SRGAP2B: variants seen among roughly 807,000 people sequenced by gnomAD.
SRGAP2B encodes SLIT-ROBO Rho GTPase-activating protein 2B.
In SRGAP2B, 9 loss-of-function variants were observed where a neutral mutation model predicts 22.2. The ratio of observed to expected loss-of-function variants is 0.41; its 90% confidence interval spans 0.24 to 0.71. The LOEUF is 0.71. Among genes scored for constraint, SRGAP2B ranks in the 30% least tolerant of loss-of-function variants. SRGAP2B has a pLI of 0.35. For missense variants in SRGAP2B, 114 were observed against 235.8 expected, an observed-to-expected ratio of 0.48 and a Z score of 3.38; for synonymous variants, 36 against 87.4, an observed-to-expected ratio of 0.41 and a Z score of 3.28.
At chr1:144,933,258 G>A (rs1436976089) in intron 4 of SRGAP2B, among the ~76,000 whole-genome samples, 1 of 147,902 alleles carries the variant, frequency 6.8e-6, no homozygotes, top group Non-Finnish European at 1.5e-5. Flanking sequence ...CAACTGTCAT[G>A]ACCTCCCGCC....
intron 4 of SRGAP2B, among the ~76,000 whole-genome samples, chr1:144,925,963 A>G (rs1393350311): frequency 5.4e-5 from 6 of 110,644 alleles, no homozygotes; most frequent in Admixed American, 1.8e-4. Context: ...TTTAATTTGC[A>G]TAAGTCAATT....
intron 4 of SRGAP2B, among the ~76,000 whole-genome samples, chr1:144,922,708 G>A (rs141676097): frequency 0.023 from 3,500 of 150,238 alleles, 103 homozygotes; most frequent in South Asian, 0.045. Context: ...GATATGGTTC[G>A]ACTGTGGGCA....
At chr1:144,986,954 C>T (rs587745706) in intron 3 of SRGAP2B, among the ~76,000 whole-genome samples, 3 of 151,014 alleles carry the variant, frequency 2.0e-5, no homozygotes, top group South Asian at 2.1e-4. Flanking sequence ...ATCTAAAATG[C>T]TTCCTTTCCC....
chr1:145,076,097 A>C lies in SRGAP2B; in HGVS notation c.67+16738T>G, dbSNP rs1322615963. 3.3e-5 allele frequency among the ~76,000 whole-genome samples: 5 copies of C among 150,572 alleles called. No homozygotes were observed. In the East Asian group the frequency reaches 9.7e-4, roughly 29 times the overall value. ...TTGAAACAACTTAAATGATCAGTCC[A>C]AAGGGAGAGAAATATACATGTATCT... is the stretch of plus-strand genomic sequence containing the variant. On this transcript the variant is annotated intron_variant, in intron 2 of 9. Transcript: ENST00000612199.
intron 4 of SRGAP2B, among the ~76,000 whole-genome samples, chr1:144,931,451 A>G (rs1294945319): frequency 6.6e-6 from 1 of 150,802 alleles, no homozygotes; most frequent in Non-Finnish European, 1.5e-5. Context: ...ATAAATTTTC[A>G]CAGCAAGAAA....
rs1280665251 is a variant in SRGAP2B, at chr1:144,995,057, C to T, written c.211G>A (p.Ala71Thr). Reference sequence around the variant, plus strand: ...CATGTCTTGGCCAGGAAGCGTTCTGCCAGCTTCTCCAGGTTGCGGGAGTAG... The same window carrying T: ...CATGTCTTGGCCAGGAAGCGTTCTGTCAGCTTCTCCAGGTTGCGGGAGTAG... The change falls in exon 3 of 10, where the codon GCA becomes ACA. Residue 71 changes from alanine (A) to threonine (T), a missense_variant. By Grantham distance (58) the Ala-to-Thr change is moderately conservative (BLOSUM62 0). Around this residue, in one of 2 missense-constraint regions of SRGAP2B, gnomAD observed 95 missense variants for 139.0 expected, o/e 0.68. Transcript: ENST00000612199. The T allele has an allele frequency of 3.9e-6, 6 of 1,542,646 alleles. No individual in the cohort carries two copies. The Admixed American group carries it at 1.0e-4, about 26-fold the overall frequency.
At chr1:144,960,560 T>C (rs1553611082) in intron 3 of SRGAP2B, among the ~76,000 whole-genome samples, 2 of 150,560 alleles carry the variant, frequency 1.3e-5, no homozygotes, top group African/African-American at 5.0e-5. Context: ...TTCTCTAAAA[T>C]ATCCATGGTG....
exon 10 of SRGAP2B, chr1:144,889,254 CTATT>C (rs1662082748): frequency 2.0e-5 from 3 of 148,348 alleles, no homozygotes; most frequent in South Asian, 2.1e-4. Flanking sequence ...CATATCTGGC[CTATT>C]TATTTTTTAA....
At chr1:144,922,743 G>T (rs1664345925) in intron 4 of SRGAP2B, among the ~76,000 whole-genome samples, 3 of 150,456 alleles carry the variant, frequency 2.0e-5, no homozygotes. Flanking sequence ...AAAGGAAGGG[G>T]CTCCCCACTA....
intron 4 of SRGAP2B, among the ~76,000 whole-genome samples, chr1:144,928,524 G>A (rs1291185395): frequency 9.1e-5 from 12 of 131,584 alleles, no homozygotes; most frequent in African/African-American, 2.9e-4. Context: ...TGCAAGCTCC[G>A]CCTCCTGGGT....
chr1:144,951,256 G>A (rs1666845149), intron 4 of SRGAP2B, among the ~76,000 whole-genome samples: 1 of 146,016 alleles, frequency 6.8e-6, no homozygotes, highest in East Asian at 2.0e-4. Context: ...GATCACTGCA[G>A]CCTCAAATTT....
At chr1:145,079,844 G>C (rs1324732912) in intron 2 of SRGAP2B, among the ~76,000 whole-genome samples, 8 of 148,402 alleles carry the variant, frequency 5.4e-5, no homozygotes, top group South Asian at 4.3e-4. Context: ...AATGTAAGAG[G>C]CAAGAGGCCA....
At chr1:145,009,545 G>A (rs1398412879) in intron 2 of SRGAP2B, among the ~76,000 whole-genome samples, 3 of 139,094 alleles carry the variant, frequency 2.2e-5, no homozygotes, top group East Asian at 2.1e-4. Context: ...CCGAGATCCC[G>A]CCACTGCACT....
At chr1:144,951,171 GTTTTTTGTTTTTTT>G (rs1233293894) in intron 4 of SRGAP2B, among the ~76,000 whole-genome samples, 20 of 144,954 alleles carry the variant, frequency 1.4e-4, no homozygotes, top group Admixed American at 2.0e-4. Flanking sequence ...TTTGTTTTTT[GTTTTTTGTTTTTTT>G]TTTTTAAACA....
chr1:145,063,654 G>C (rs1159137565), intron 2 of SRGAP2B, among the ~76,000 whole-genome samples: 1 of 149,694 alleles, frequency 6.7e-6, no homozygotes, highest in Non-Finnish European at 1.5e-5. Context: ...TTTTGGGGAG[G>C]GCTGCACCAA....
chr1:144,915,699 C>T (rs1663823438), intron 4 of SRGAP2B, among the ~76,000 whole-genome samples: 1 of 151,176 alleles, frequency 6.6e-6, no homozygotes, highest in Admixed American at 6.6e-5. Flanking sequence ...GCACTCCAGC[C>T]TGGGTGACAA....
intron 2 of SRGAP2B, among the ~76,000 whole-genome samples, chr1:145,011,938 C>T (rs1357340808): frequency 1.3e-5 from 2 of 150,772 alleles, no homozygotes; most frequent in African/African-American, 4.9e-5. Flanking sequence ...CTACACTGGC[C>T]TCTCTGGTCA....
intron 3 of SRGAP2B, among the ~76,000 whole-genome samples, chr1:144,974,036 C>T (rs1171445638): frequency 1.3e-5 from 2 of 151,022 alleles, no homozygotes; most frequent in East Asian, 3.9e-4. Context: ...CATAAGGTCC[C>T]TAGTCCTAGA....
intron 2 of SRGAP2B, among the ~76,000 whole-genome samples, chr1:145,035,938 CA>C (rs587600117): frequency 1.1e-5 from 1 of 92,216 alleles, no homozygotes; most frequent in East Asian, 3.2e-4. Context: ...TTTCAGAAGA[CA>C]AAAAAAAAAA....
Sources: allele counts gnomAD v4.1 joint callset (sites outside exome capture counted in the v4.1 genomes callset), GRCh38; gene constraint gnomAD v4.1.1; regional missense constraint gnomAD v4.1.1; transcripts MANE v1.5; gene names NCBI Gene and HGNC (gene_info 2026-07-23, HGNC 2026-07-21).